Variants in TENM3 observed in about 807,000 individuals in gnomAD.
The protein encoded by TENM3 is teneurin-3.
TENM3 carries 63 observed loss-of-function variants against 255.1 expected under a neutral mutation model. The observed-to-expected ratio is 0.25, with a 90% confidence interval of 0.20 to 0.30. The LOEUF is 0.30. TENM3 is among the 10% of genes least tolerant of loss of function. The pLI is 1.00. For synonymous variants in TENM3, 1,306 were observed against 1,322.3 expected (o/e 0.99, Z 0.27); for missense variants, 2,929 against 3,461.1 (o/e 0.85, Z 3.86).
chr4:182,352,630 G>C (rs1765260153), intron 3 of TENM3, among the ~76,000 whole-genome samples: 1 of 152,128 alleles, frequency 6.6e-6, no homozygotes, highest in South Asian at 2.1e-4. Flanking sequence ...TTAAAGTGCA[G>C]TCTTTTTAAA....
the TENM3 span, among the ~76,000 whole-genome samples, chr4:181,790,975 T>A: frequency 6.6e-5 from 10 of 152,296 alleles, no homozygotes; most frequent in East Asian, 1.7e-3. Flanking sequence ...GAGAGTCTAG[T>A]TGTGGGCAAA....
chr4:181,513,886 G>A, the TENM3 span, among the ~76,000 whole-genome samples: 8,610 of 152,224 alleles, frequency 0.057, 391 homozygotes, highest in African/African-American at 0.11. Context: ...GTAAGGGGTG[G>A]TTCACACCAC....
chr4:182,650,887 A>ATATATAT (rs1753197371), intron 5 of TENM3, among the ~76,000 whole-genome samples: 1 of 22,848 alleles, frequency 4.4e-5, no homozygotes, highest in Non-Finnish European at 7.5e-5. Flanking sequence ...GTAATAAAAA[A>ATATATAT]AAATATATAT....
chr4:182,406,285 A>G (rs1410622796), intron 3 of TENM3, among the ~76,000 whole-genome samples: 2 of 152,262 alleles, frequency 1.3e-5, no homozygotes, highest in African/African-American at 4.8e-5. Context: ...AGCCTGGGCC[A>G]CAGAGCGAGA....
chr4:181,468,324 A>T, the TENM3 span, among the ~76,000 whole-genome samples: 1 of 152,118 alleles, frequency 6.6e-6, no homozygotes, highest in Admixed American at 6.6e-5. Context: ...CAAAAGATGG[A>T]CTAGTCCCTT....
At chr4:182,398,714 A>T in intron 3 of TENM3, among the ~76,000 whole-genome samples, 1 of 152,204 alleles carries the variant, frequency 6.6e-6, no homozygotes, top group East Asian at 1.9e-4. Flanking sequence ...TTTTGCTGAT[A>T]GCCAATTGGC....
the TENM3 span, among the ~76,000 whole-genome samples, chr4:181,771,596 G>A: frequency 6.6e-6 from 1 of 152,206 alleles, no homozygotes; most frequent in Non-Finnish European, 1.5e-5. Flanking sequence ...CAGACAAACT[G>A]CATCTCTGCC....
chr4:181,467,797 T>G, the TENM3 span, among the ~76,000 whole-genome samples: 1 of 152,158 alleles, frequency 6.6e-6, no homozygotes, highest in South Asian at 2.1e-4. Context: ...TGAGTGCTTT[T>G]TAGTGTTAAG....
At chr4:182,777,287 C>T (rs754533625) in intron 24 of TENM3, among the ~76,000 whole-genome samples, 9 of 152,066 alleles carry the variant, frequency 5.9e-5, no homozygotes, top group Non-Finnish European at 1.0e-4. Flanking sequence ...ATGTGCCTGT[C>T]ACATGGTGGA....
the TENM3 span, among the ~76,000 whole-genome samples, chr4:181,696,795 G>A: frequency 6.6e-6 from 1 of 152,132 alleles, no homozygotes; most frequent in Non-Finnish European, 1.5e-5. Context: ...AGTTACAGGG[G>A]CAGAGATTGA....
chr4:182,018,740 A>C, the TENM3 span, among the ~76,000 whole-genome samples: 1 of 152,206 alleles, frequency 6.6e-6, no homozygotes, highest in Non-Finnish European at 1.5e-5. Context: ...ACCAAGACAC[A>C]GAGAAATCAT....
intron 1 of TENM3, among the ~76,000 whole-genome samples, chr4:182,165,986 G>A (rs1284824993): frequency 6.6e-6 from 1 of 152,080 alleles, no homozygotes; most frequent in Non-Finnish European, 1.5e-5. Context: ...CACCGCATTA[G>A]CCAGGATGGT....
At chr4:182,057,992 A>C in the TENM3 span, among the ~76,000 whole-genome samples, 4 of 152,134 alleles carry the variant, frequency 2.6e-5, no homozygotes, top group Admixed American at 2.0e-4. Flanking sequence ...CATGTTAAAT[A>C]TCTAAAAGAG....
chr4:182,601,096 C>A lies in TENM3; in HGVS notation c.684C>A (p.Thr228=), dbSNP rs778123258. The change falls in exon 4 of 28, where the codon ACC becomes ACA. Residue 228 remains threonine, a synonymous_variant. Transcript: ENST00000511685. ...CTGCTTTGCCCGCCGAGCTGCAAAC[C>A]ACACCCGAGTCCGTCCAGCTGCAGG... ...PPAALPAELQ[T]TPESVQLQDS... is the part of the protein sequence containing the mutation. The A allele has an allele frequency of 2.5e-6, 4 of 1,613,818 alleles. No homozygotes were observed. The highest frequency in any genetic ancestry group is 1.3e-5 in the African/African-American group (1 of 74,984).
intron 3 of TENM3, among the ~76,000 whole-genome samples, chr4:182,432,849 G>GTGTGTGT: frequency 7.0e-6 from 1 of 142,974 alleles, no homozygotes; most frequent in South Asian, 2.4e-4. Flanking sequence ...AATGGATTTG[G>GTGTGTGT]GTGTGTGTGT....
chr4:181,702,117 C>T, the TENM3 span, among the ~76,000 whole-genome samples: 1 of 152,180 alleles, frequency 6.6e-6, no homozygotes, highest in Non-Finnish European at 1.5e-5. Flanking sequence ...GTTAACTCAA[C>T]ACTGTAGGTT....
At chr4:181,478,718 G>A in the TENM3 span, among the ~76,000 whole-genome samples, 3 of 152,018 alleles carry the variant, frequency 2.0e-5, no homozygotes, top group Non-Finnish European at 2.9e-5. Context: ...GAAAACTCCC[G>A]CTAGATGACA....
the TENM3 span, among the ~76,000 whole-genome samples, chr4:181,952,259 G>T: frequency 6.6e-6 from 1 of 152,146 alleles, no homozygotes; most frequent in Non-Finnish European, 1.5e-5. Flanking sequence ...GAGAGGTTGT[G>T]CTTTCTTTGT....
the TENM3 span, among the ~76,000 whole-genome samples, chr4:181,913,942 C>G: frequency 1.3e-5 from 2 of 152,154 alleles, no homozygotes; most frequent in African/African-American, 4.8e-5. Flanking sequence ...GGCTGAGAAG[C>G]AATGTGATTG....
Sources: allele counts gnomAD v4.1 joint callset (sites outside exome capture counted in the v4.1 genomes callset), GRCh38; gene constraint gnomAD v4.1.1; transcripts MANE v1.5; gene names NCBI Gene and HGNC (gene_info 2026-07-23, HGNC 2026-07-21).